Variants in ASB18 observed in about 807,000 individuals in gnomAD.
ASB18 encodes the protein ankyrin repeat and SOCS box protein 18.
A neutral mutation model predicts 33.4 loss-of-function variants in ASB18; 33 were observed. The ratio of observed to expected loss-of-function variants is 0.99; its 90% CI spans 0.75 to 1.32. The LOEUF (loss-of-function observed/expected upper bound fraction) is 1.32. Among genes scored for constraint, ASB18 ranks in the 40% most tolerant of loss-of-function variants. ASB18 has a pLI of 0.00. For synonymous variants in ASB18, 295 were observed against 307.6 expected, an observed-to-expected ratio of 0.96 and a Z score of 0.43; for missense variants, 694 against 655.5, an observed-to-expected ratio of 1.06 and a Z score of -0.64.
chr2:236,237,813 C>G lies in ASB18; in HGVS notation c.472G>C (p.Glu158Gln). Reference protein sequence around the residue: ...ASPGGRGALHEACLGGHTACV... With the variant: ...ASPGGRGALHQACLGGHTACV... ...GCGGTGTGGCCCCCGAGGCAGGCCT[C>G]GTGCAGGGCGCCGCGGCCGCCGGGG... Residue 158 changes from glutamate to glutamine, a missense_variant, in exon 3 of 6, where the codon GAG (glutamate) becomes CAG (glutamine). By Grantham distance (29) the Glu-to-Gln change is conservative (BLOSUM62 2). Transcript: ENST00000409749. The surrounding 1 kb of genome is among the most constrained non-coding windows in gnomAD (Gnocchi z 6.2). 1 of 1,379,544 alleles carries G rather than the reference C, an allele frequency of 7.2e-7. No individual in the cohort carries two copies. The highest frequency in any genetic ancestry group is 9.3e-7 in the Non-Finnish European group (1 of 1,077,162). 85.5% of individuals were successfully genotyped at this position (1,379,544 alleles called of 1,614,324 possible). A position where few individuals can be genotyped will look rare whatever the true frequency, so the allele number is the denominator to read the frequency against.
rs2060358675 is a variant in ASB18 at position 236,193,829 on chromosome 2, T to A, written c.*1043A>T. On this transcript the variant is annotated 3_prime_UTR_variant, in exon 6 of 6. Coordinates refer to ENST00000409749, the MANE Select transcript of ASB18 (RefSeq NM_212556.4). This position sits in a 1 kb window ranked among gnomAD's most constrained non-coding sequence, Gnocchi z 5.0. The stretch of plus-strand genomic sequence containing the variant: ...GACTGATTCCTGGGCAAGGCCACTG[T>A]CTGTATGGGTTTTCTCTGGGTGCTC... 6.6e-6 allele frequency among the ~76,000 whole-genome samples: 1 copy of A among 152,110 alleles called. No individual in the cohort carries two copies. Among genetic ancestry groups the A allele is most frequent in the African/African-American group, 2.4e-5 (1 of 41,418 alleles).
intron 3 of ASB18, among the ~76,000 whole-genome samples, chr2:236,233,209 G>A (rs945469588): frequency 1.3e-5 from 2 of 152,086 alleles, no homozygotes; most frequent in African/African-American, 2.4e-5. Context: ...CTCCATATAT[G>A]TAGAAAAAGC....
Position 236,215,038 on chromosome 2 carries a change from AAG to A in ASB18, c.597-174_597-173del, listed in dbSNP as rs1208000547. Among the ~76,000 whole-genome samples the A allele has an allele frequency of 6.6e-6, 1 of 150,856 alleles. No homozygotes were observed. Among genetic ancestry groups the A allele is most frequent in the African/African-American group, 2.5e-5 (1 of 40,540 alleles). ...TAAACTGGAAAAAAAAAAAAAAAAA[AAG>A]AGATTATGGCAAAACCAGCTCCTGA... On this transcript the variant is annotated intron_variant, in intron 3 of 5. Transcript: ENST00000409749. The surrounding 1 kb of genome is among the most constrained non-coding windows in gnomAD (Gnocchi z 7.2).
chr2:236,212,720 GT>G (rs1356258513), intron 4 of ASB18, among the ~76,000 whole-genome samples: 1 of 152,138 alleles, frequency 6.6e-6, no homozygotes, highest in African/African-American at 2.4e-5. Context: ...CACATCCTGG[GT>G]TTAGGTAATC....
Position 236,248,603 on chromosome 2 carries a change from AAAAG to A in ASB18, c.206-7205_206-7202del, listed in dbSNP as rs1200026325. On this transcript the variant is annotated intron_variant, in intron 1 of 5. Transcript: ENST00000409749. The surrounding 1 kb of genome is among the most constrained non-coding windows in gnomAD (Gnocchi z 4.9). ...GCAAGACTCCGTCTCAAAAAAAAAA[AAAAG>A]AAAGAAAAAAGAGTCCCCAGGTACT... 28 of 152,312 alleles carry A rather than the reference AAAAG, an allele frequency of 1.8e-4. No individual in the cohort carries two copies. Among genetic ancestry groups the A allele is most frequent in the African/African-American group, 6.0e-4 (25 of 41,550 alleles). 9.4% of individuals were successfully genotyped at this position (152,312 alleles called of 1,614,324 possible).
At position 236,236,019 on chromosome 2, in the gene ASB18, G is replaced by A. The variant is rs973819334; in HGVS notation, c.596+1670C>T. On this transcript the variant is annotated intron_variant, in intron 3 of 5. Transcript: ENST00000409749. ...TAACAGTTATGTTCTTAATCATACCGTGTGACCTAGGTATTTATTCAAAAT... is the reference window on the plus strand; with the variant it reads ...TAACAGTTATGTTCTTAATCATACCATGTGACCTAGGTATTTATTCAAAAT... Among the ~76,000 whole-genome samples the A allele has an allele frequency of 2.0e-5, 3 of 152,068 alleles. No homozygotes were observed. The East Asian group carries it at 5.8e-4, about 29-fold the overall frequency.
intron 3 of ASB18, among the ~76,000 whole-genome samples, chr2:236,224,938 A>G (rs1042900910): frequency 2.0e-5 from 3 of 152,044 alleles, no homozygotes; most frequent in African/African-American, 4.8e-5. Context: ...TGAATAACCA[A>G]TCAGTCACTC....
At position 236,235,751 on chromosome 2, in the gene ASB18, G is replaced by C. The variant is rs1474726105; in HGVS notation, c.596+1938C>G. On this transcript the variant is annotated intron_variant, in intron 3 of 5. Transcript: ENST00000409749. The surrounding 1 kb of genome is among the most constrained non-coding windows in gnomAD (Gnocchi z 6.2). Reference sequence around the variant, plus strand: ...GACAGGGTCTCAACTCTGTCACCCAGGCTGGAGTGCAGTGGCGTGAACATG... The same window carrying C: ...GACAGGGTCTCAACTCTGTCACCCACGCTGGAGTGCAGTGGCGTGAACATG... Among the ~76,000 whole-genome samples the C allele has an allele frequency of 6.6e-6, 1 of 152,212 alleles. No homozygotes were observed. Among genetic ancestry groups the C allele is most frequent in the Non-Finnish European group, 1.5e-5 (1 of 68,042 alleles).
At position 236,214,389 on chromosome 2, in the gene ASB18, G is replaced by T; in HGVS notation, c.1074C>A (p.Pro358=). The change falls in exon 4 of 6, where the codon CCC becomes CCA. Residue 358 remains proline (P), a synonymous_variant. Coordinates refer to ENST00000409749, the MANE Select transcript of ASB18 (RefSeq NM_212556.4). This position sits in a 1 kb window ranked among gnomAD's most constrained non-coding sequence, Gnocchi z 6.5. The stretch of plus-strand genomic sequence containing the variant: ...TGGGGAAGGCGTCGGGCCACACGGT[G>T]GGAGAGCCGTGGTTGAGCAGCGCCT... ...TVQALLNHGS[P]TVWPDAFPKV... is the part of the protein sequence containing the mutation. 6.3e-7 allele frequency: 1 copy of T among 1,577,092 alleles called. No homozygotes were observed. The highest frequency in any genetic ancestry group is 8.6e-7 in the Non-Finnish European group (1 of 1,166,530).
rs1291089669 is a variant in ASB18, at chr2:236,234,065, CAGAAT to C, written c.596+3619_596+3623del. ...AAAACAGGCAAATAGAGCAATGAAA[CAGAAT>C]AGAGATGAAGGGGGATGGCTCTGCC... is the stretch of plus-strand genomic sequence containing the variant. On this transcript the variant is annotated intron_variant, in intron 3 of 5. Coordinates refer to ENST00000409749, the MANE Select transcript of ASB18 (RefSeq NM_212556.4). The surrounding 1 kb of genome is among the most constrained non-coding windows in gnomAD (Gnocchi z 4.1). Among the ~76,000 whole-genome samples, 4 of 152,300 alleles carry C rather than the reference CAGAAT, an allele frequency of 2.6e-5. No homozygotes were observed. The South Asian group carries it at 8.3e-4, about 32-fold the overall frequency.
In ASB18 at chr2:236,228,560, G is replaced by A. The variant is rs1275886268; in HGVS notation, c.596+9129C>T. Among the ~76,000 whole-genome samples, 2 of 152,200 alleles carry A rather than the reference G, an allele frequency of 1.3e-5. No homozygotes were observed. The highest frequency in any genetic ancestry group is 4.8e-5 in the African/African-American group (2 of 41,450). On this transcript the variant is annotated intron_variant, in intron 3 of 5. Coordinates refer to ENST00000409749, the MANE Select transcript of ASB18 (RefSeq NM_212556.4). The surrounding 1 kb of genome is among the most constrained non-coding windows in gnomAD (Gnocchi z 5.1). ...CTGAAAGGAAGGATTAGAACCGACT[G>A]AAATATGTCAAATATTTTGTGTGCA...
In ASB18 at chr2:236,214,457, T is replaced by C; in HGVS notation, c.1006A>G (p.Thr336Ala). 9 of 1,531,092 alleles carry C rather than the reference T, an allele frequency of 5.9e-6. No homozygotes were observed. The highest frequency in any genetic ancestry group is 7.9e-6 in the Non-Finnish European group (9 of 1,145,472). The allele number at this position is 1,531,092 out of a possible 1,614,324, so 94.8% of individuals were successfully genotyped here. A position where few individuals can be genotyped will look rare whatever the true frequency, so the allele number is the denominator to read the frequency against. The change falls in exon 4 of 6, where the codon ACC (threonine) becomes GCC (alanine). Residue 336 changes from threonine to alanine, a missense_variant. Thr to Ala is a moderately conservative substitution (Grantham distance 58). Coordinates refer to ENST00000409749, the MANE Select transcript of ASB18 (RefSeq NM_212556.4). The surrounding 1 kb of genome is among the most constrained non-coding windows in gnomAD (Gnocchi z 6.5). ...GASPLGRVLQ[T>A]ASCALQASPQ... ...GAGGCCTGGAGAGCGCAGGATGCGG[T>C]CTGGAGCACGCGGCCCAGCGGCGAG...
rs755828783 is a variant in ASB18 at position 236,221,287 on chromosome 2, G to A, written c.597-6421C>T. On this transcript the variant is annotated intron_variant, in intron 3 of 5. Transcript: ENST00000409749. The surrounding 1 kb of genome is among the most constrained non-coding windows in gnomAD (Gnocchi z 5.6). The stretch of plus-strand genomic sequence containing the variant: ...ATAAGGCTGCATTCAAGACTCAAAC[G>A]TCACCTTTTGTGTGTGAGTGGGGAA... Among the ~76,000 whole-genome samples, 9 of 152,232 alleles carry A rather than the reference G, an allele frequency of 5.9e-5. No homozygotes were observed. Among genetic ancestry groups the A allele is most frequent in the Admixed American group, 6.5e-5 (1 of 15,290 alleles).
rs571925941 is a variant in ASB18 at position 236,262,997 on chromosome 2, G to T, written c.205+1144C>A. Among the ~76,000 whole-genome samples the T allele has an allele frequency of 6.6e-6, 1 of 152,300 alleles. No homozygotes were observed. Among genetic ancestry groups the T allele is most frequent in the South Asian group, 2.1e-4 (1 of 4,828 alleles). ...CTCATGTCCCATCTGTGTTCCTCCT[G>T]CATGTTGCGCACACGTGTGCATGTG... On this transcript the variant is annotated intron_variant, in intron 1 of 5. Transcript: ENST00000409749. The surrounding 1 kb of genome is among the most constrained non-coding windows in gnomAD (Gnocchi z 5.2).
chr2:236,220,905 A>C lies in ASB18; in HGVS notation c.597-6039T>G, dbSNP rs2060507934. On this transcript the variant is annotated intron_variant, in intron 3 of 5. Coordinates refer to ENST00000409749, the MANE Select transcript of ASB18 (RefSeq NM_212556.4). This position sits in a 1 kb window ranked among gnomAD's most constrained non-coding sequence, Gnocchi z 5.1. The stretch of plus-strand genomic sequence containing the variant: ...AGTGTTTCTCCTCTTATCACTCCAC[A>C]GGAATTCCTGGACAGACTCACCGAC... Among the ~76,000 whole-genome samples, 1 of 152,182 alleles carries C rather than the reference A, an allele frequency of 6.6e-6. No homozygotes were observed. The highest frequency in any genetic ancestry group is 2.4e-5 in the African/African-American group (1 of 41,432).
rs2060491605 is a variant in ASB18, at chr2:236,217,122, G to T, written c.597-2256C>A. ...TGGTCACCCCATATTTCAAATATTTGTTGGGCCAGGCGCGGTGGCTCATGC... is the reference window on the plus strand; with the variant it reads ...TGGTCACCCCATATTTCAAATATTTTTTGGGCCAGGCGCGGTGGCTCATGC... On this transcript the variant is annotated intron_variant, in intron 3 of 5. Transcript: ENST00000409749. The surrounding 1 kb of genome is among the most constrained non-coding windows in gnomAD (Gnocchi z 5.2). Among the ~76,000 whole-genome samples the T allele has an allele frequency of 6.6e-6, 1 of 152,116 alleles. No homozygotes were observed. Among genetic ancestry groups the T allele is most frequent in the Non-Finnish European group, 1.5e-5 (1 of 68,026 alleles).
Position 236,253,580 on chromosome 2 carries a change from G to T in ASB18, c.205+10561C>A, listed in dbSNP as rs553116092. Reference sequence around the variant, plus strand: ...TATTATTATTGTGGTGGGAGATGGGGTCTCACTGTGTTGCCCAGGCTGGTC... The same window carrying T: ...TATTATTATTGTGGTGGGAGATGGGTTCTCACTGTGTTGCCCAGGCTGGTC... On this transcript the variant is annotated intron_variant, in intron 1 of 5. Coordinates refer to ENST00000409749, the MANE Select transcript of ASB18 (RefSeq NM_212556.4). This position sits in a 1 kb window ranked among gnomAD's most constrained non-coding sequence, Gnocchi z 5.4. Among the ~76,000 whole-genome samples the T allele has an allele frequency of 1.3e-5, 2 of 151,678 alleles. No homozygotes were observed. The highest frequency in any genetic ancestry group is 3.9e-4 in the East Asian group (2 of 5,140).
In ASB18 at chr2:236,205,265, TC is replaced by T. The variant is rs2060427435; in HGVS notation, c.1102-8881del. Among the ~76,000 whole-genome samples the T allele has an allele frequency of 6.6e-6, 1 of 152,130 alleles. No homozygotes were observed. ...CCCCTAATCTCATCTCCTACTCCCATCCCACTAGCTCCTTCCATCTCCGGCC... is the reference window on the plus strand; with the variant it reads ...CCCCTAATCTCATCTCCTACTCCCATCCACTAGCTCCTTCCATCTCCGGCC... On this transcript the variant is annotated intron_variant, in intron 4 of 5. Transcript: ENST00000409749. This position sits in a 1 kb window ranked among gnomAD's most constrained non-coding sequence, Gnocchi z 5.4.
At position 236,219,199 on chromosome 2, in the gene ASB18, C is replaced by T. The variant is rs1442870348; in HGVS notation, c.597-4333G>A. Among the ~76,000 whole-genome samples, 3 of 152,094 alleles carry T rather than the reference C, an allele frequency of 2.0e-5. No homozygotes were observed. The highest frequency in any genetic ancestry group is 4.8e-5 in the African/African-American group (2 of 41,406). Reference sequence around the variant, plus strand: ...CCAAAAAACCTAGAAATTTAGAGGGCAATGTGTGTTTATCTCTGGATGATG... The same window carrying T: ...CCAAAAAACCTAGAAATTTAGAGGGTAATGTGTGTTTATCTCTGGATGATG... On this transcript the variant is annotated intron_variant, in intron 3 of 5. Transcript: ENST00000409749. The surrounding 1 kb of genome is among the most constrained non-coding windows in gnomAD (Gnocchi z 6.4).
Sources: gnomAD v4.1 joint callset for allele counts (sites outside exome capture counted in the v4.1 genomes callset) on GRCh38, gnomAD v4.1.1 for gene constraint, Gnocchi (gnomAD v3.1) non-coding constraint, MANE v1.5 for transcripts, NCBI Gene and HGNC (gene_info 2026-07-23, HGNC 2026-07-21) for gene names.